The following JPT2 variants were observed in gnomAD, a reference collection of about 807,000 sequenced individuals.
JPT2 encodes Jupiter microtubule associated homolog 2, also known as CRAMP_1 like.
In JPT2, 9 loss-of-function variants were observed where a neutral mutation model predicts 15.9. That is an observed-to-expected ratio of 0.57 (90% CI 0.34 to 0.99). The LOEUF (loss-of-function observed/expected upper bound fraction) is 0.99, where lower values mean the gene tolerates loss of function less well. JPT2 is among the 50% of genes least tolerant of loss of function. JPT2 has a pLI of 0.02. For synonymous variants in JPT2, 95 were observed against 91.7 expected (o/e 1.04, Z -0.21); for missense variants, 267 against 252.1 (o/e 1.06, Z -0.40).
chr16:1,691,739 C>A, intron 2 of JPT2, 104 bp from the exon 3 acceptor site: 1 of 1,376,274 alleles, frequency 7.3e-7, no homozygotes, highest in Non-Finnish European at 9.7e-7. Context: ...AGGGCTGGCA[C>A]TCGGGGTTCC....
chr16:1,685,379 TGCACAGTGACAA>T, intron 1 of JPT2, 48 bp from the exon 2 acceptor site: 2 of 1,575,466 alleles, frequency 1.3e-6, no homozygotes, highest in South Asian at 2.3e-5. Flanking sequence ...CCAAAATCCT[TGCACAGTGACAA>T]GCTTTCAGGT....
rs571610313 is a variant in JPT2, at chr16:1,694,555, T to C, written c.336+2570T>C. Among the ~76,000 whole-genome samples the C allele has an allele frequency of 3.3e-5, 5 of 152,356 alleles. No homozygotes were observed. The South Asian group carries it at 1.0e-3, about 32-fold the overall frequency. ...AAAATAATAATAATTGAAAAAGATG[T>C]TGGAGCTCTTACTTCCTGCTCTCAA... On this transcript the variant is annotated intron_variant, in intron 3 of 4. Coordinates refer to ENST00000248098, the MANE Select transcript of JPT2 (RefSeq NM_144570.3).
At chr16:1,697,765 TA>T (rs765497710) in intron 3 of JPT2, 46 bp from the exon 4 acceptor site, 15 of 1,587,224 alleles carry the variant, frequency 9.5e-6, no homozygotes, top group Non-Finnish European at 1.3e-5. Context: ...TGAATGAGGG[TA>T]AAATTTTCTG....
chr16:1,684,468 C>T lies in JPT2; in HGVS notation c.45-971C>T, dbSNP rs138321371. ...TAAAAAGTGATTCAAGAGCCAGGTG[C>T]GATGGCCCACACCTGTAATCCCAGC... On this transcript the variant is annotated intron_variant, in intron 1 of 4. Coordinates refer to ENST00000248098, the MANE Select transcript of JPT2 (RefSeq NM_144570.3). 1.8e-4 allele frequency among the ~76,000 whole-genome samples: 28 copies of T among 152,212 alleles called. No homozygotes were observed. The East Asian group carries it at 5.0e-3, about 27-fold the overall frequency.
At chr16:1,692,070 GTTT>G in intron 3 of JPT2, 85 bp downstream of exon 3, 1 of 1,515,946 alleles carries the variant, frequency 6.6e-7, no homozygotes, top group Non-Finnish European at 9.0e-7. Flanking sequence ...GATGCGACAT[GTTT>G]TTAGGGAGAA....
At chr16:1,690,301 A>G (rs1256912233) in intron 2 of JPT2, 24 of 152,204 alleles carry the variant, frequency 1.6e-4, no homozygotes, top group Admixed American at 1.6e-3. Flanking sequence ...GATTGTTAAC[A>G]CTAGGAATTA....
chr16:1,692,225 C>G, intron 3 of JPT2: 1 of 558,536 alleles, frequency 1.8e-6, no homozygotes, highest in Non-Finnish European at 3.1e-6. Context: ...GGCGGACGCC[C>G]ACTGCAGACG....
At chr16:1,679,052 A>G (rs2142216967) in intron 1 of JPT2, among the ~76,000 whole-genome samples, 1 of 152,380 alleles carries the variant, frequency 6.6e-6, no homozygotes, top group East Asian at 1.9e-4. Flanking sequence ...CTCAGCTTTA[A>G]TAGCCAGGAA....
chr16:1,692,400 A>T (rs2037110611), intron 3 of JPT2: 1 of 197,988 alleles, frequency 5.1e-6, no homozygotes, highest in African/African-American at 2.3e-5. Flanking sequence ...CCGCACAGTC[A>T]AGGTCCTCGG....
intron 2 of JPT2, among the ~76,000 whole-genome samples, chr16:1,686,919 A>C (rs1289974692): frequency 6.6e-6 from 1 of 152,120 alleles, no homozygotes; most frequent in East Asian, 1.9e-4. Flanking sequence ...GTTTTGGGGT[A>C]CCAATATTTA....
chr16:1,700,525 T>TTTTTTTTTTAATGATACG lies in JPT2; in HGVS notation c.*1527_*1528insTTTTTTTTTAATGATACG. On this transcript the variant is annotated 3_prime_UTR_variant, in exon 5 of 5. Coordinates refer to ENST00000248098, the MANE Select transcript of JPT2 (RefSeq NM_144570.3). ...GGCTCATGCTGCCTCACTGCTTAAG[T>TTTTTTTTTTAATGATACG]GCCTGCAGGAGCCGCCTGCCAAGCT... The TTTTTTTTTTAATGATACG allele has an allele frequency of 5.3e-6, 1 of 187,962 alleles. No homozygotes were observed. Among genetic ancestry groups the TTTTTTTTTTAATGATACG allele is most frequent in the African/African-American group, 2.3e-5 (1 of 44,016 alleles). The allele number at this position is 187,962 out of a possible 1,614,324, so 11.6% of individuals were successfully genotyped here. A position where few individuals can be genotyped will look rare whatever the true frequency, so the allele number is the denominator to read the frequency against.
At position 1,699,809 on chromosome 16, in the gene JPT2, C is replaced by T. The variant is rs1596511283; in HGVS notation, c.*811C>T. 1 of 252,384 alleles carries T rather than the reference C, an allele frequency of 4.0e-6. No individual in the cohort carries two copies. The allele number at this position is 252,384 out of a possible 1,614,324, so 15.6% of individuals were successfully genotyped here. On this transcript the variant is annotated 3_prime_UTR_variant, in exon 5 of 5. Coordinates refer to ENST00000248098, the MANE Select transcript of JPT2 (RefSeq NM_144570.3). The stretch of plus-strand genomic sequence containing the variant: ...CTCCAGTGATGTAGACAGTTCCCTT[C>T]ACAAGTCACAGTTCTTCCCATAAAT...
intron 1 of JPT2, among the ~76,000 whole-genome samples, chr16:1,684,546 ACCT>A (rs2037049872): frequency 6.6e-6 from 1 of 151,320 alleles, no homozygotes; most frequent in Non-Finnish European, 1.5e-5. Context: ...TTCGAGACCA[ACCT>A]GACCAACATG....
chr16:1,686,886 A>G (rs1262551086), intron 2 of JPT2, among the ~76,000 whole-genome samples: 1 of 152,164 alleles, frequency 6.6e-6, no homozygotes, highest in African/African-American at 2.4e-5. Context: ...AATCAGAGCC[A>G]GATCCACTCC....
intron 3 of JPT2, among the ~76,000 whole-genome samples, chr16:1,694,870 A>G (rs1386436896): frequency 2.0e-5 from 3 of 152,260 alleles, no homozygotes; most frequent in South Asian, 2.1e-4. Flanking sequence ...GGCAAAAACT[A>G]TAAAATTCTT....
Position 1,698,950 on chromosome 16 carries a change from C to G in JPT2, c.525C>G (p.Asn175Lys). Residue 175 changes from asparagine to lysine, a missense_variant, in exon 5 of 5, where the codon AAC becomes AAG. Physicochemically the swap from Asn to Lys is moderately conservative, Grantham distance 94 (BLOSUM62 0). Transcript: ENST00000248098. This position sits in a 1 kb window ranked among gnomAD's most constrained non-coding sequence, Gnocchi z 4.9. ...PRLGPRPRSH[N>K]KVLNPPGGKS... ...TGGGGCCGCGGCCTCGCTCTCACAA[C>G]AAGGTCCTGAACCCACCGGGAGGCA... 6.2e-7 allele frequency: 1 copy of G among 1,614,144 alleles called. No individual in the cohort carries two copies. The highest frequency in any genetic ancestry group is 8.5e-7 in the Non-Finnish European group (1 of 1,180,022).
At chr16:1,692,301 G>A (rs1404209320) in intron 3 of JPT2, 8 of 343,038 alleles carry the variant, frequency 2.3e-5, no homozygotes, top group Admixed American at 1.8e-4. Context: ...GGAACGTGCC[G>A]CAGACGAGCT....
At chr16:1,702,635 T>G (rs1161558994), downstream of JPT2, among the ~76,000 whole-genome samples, 2 of 151,782 alleles carry the variant, frequency 1.3e-5, no homozygotes, top group Non-Finnish European at 2.9e-5. Flanking sequence ...TGTAGATGCC[T>G]CCTCCCGTGC....
At chr16:1,679,312 C>T (rs1031094897) in intron 1 of JPT2, among the ~76,000 whole-genome samples, 10 of 152,334 alleles carry the variant, frequency 6.6e-5, no homozygotes, top group African/African-American at 2.2e-4. Context: ...TATATTGCTT[C>T]TCAGCCTTTT....
Sources: allele counts gnomAD v4.1 joint callset (sites outside exome capture counted in the v4.1 genomes callset), GRCh38; gene constraint gnomAD v4.1.1; non-coding constraint Gnocchi (gnomAD v3.1); transcripts MANE v1.5; gene names NCBI Gene and HGNC (gene_info 2026-07-23, HGNC 2026-07-21).